RBFOX1: variants seen among roughly 807,000 people sequenced by gnomAD.
RBFOX1 encodes the protein RNA binding fox-1 homolog 1, also known as RNA binding protein fox-1 homolog 1.
A neutral mutation model predicts 57.7 loss-of-function variants in RBFOX1; 8 were observed. The observed-to-expected ratio is 0.14, with a 90% CI of 0.08 to 0.25. The LOEUF (loss-of-function observed/expected upper bound fraction) is 0.25, where lower values mean the gene tolerates loss of function less well. RBFOX1 is among the 10% of genes least tolerant of loss of function. RBFOX1 has a pLI of 1.00. For synonymous variants in RBFOX1, 326 were observed against 222.4 expected (o/e 1.47, Z -4.15); for missense variants, 611 against 548.5 (o/e 1.11, Z -1.14).
chr16:6,593,023 C>G (rs945582959), intron 2 of RBFOX1, among the ~76,000 whole-genome samples: 2 of 152,108 alleles, frequency 1.3e-5, no homozygotes, highest in East Asian at 1.9e-4. Flanking sequence ...TAAAACCTGT[C>G]TGTACTAAAA....
intron 9 of RBFOX1, among the ~76,000 whole-genome samples, chr16:7,602,376 G>A (rs2095073024): frequency 6.6e-6 from 1 of 152,172 alleles, no homozygotes; most frequent in Non-Finnish European, 1.5e-5. Context: ...TTGCCTTGTT[G>A]TGGGGCTGGG....
chr16:5,954,506 C>T (rs964704743), intron 4 of RBFOX1, among the ~76,000 whole-genome samples: 8 of 152,064 alleles, frequency 5.3e-5, no homozygotes, highest in Non-Finnish European at 8.8e-5. Context: ...GGTGCCCTTG[C>T]GTGGCATCTT....
intron 4 of RBFOX1, among the ~76,000 whole-genome samples, chr16:7,429,824 C>T (rs2098661085): frequency 6.6e-6 from 1 of 152,192 alleles, no homozygotes; most frequent in African/African-American, 2.4e-5. Context: ...CCTTTCCATT[C>T]TTCATTACTC....
chr16:6,703,480 G>A (rs2062177384), intron 3 of RBFOX1, among the ~76,000 whole-genome samples: 1 of 149,276 alleles, frequency 6.7e-6, no homozygotes, highest in Admixed American at 6.8e-5. Context: ...GGGAGGCTGA[G>A]ATGGGAGGAT....
chr16:6,118,460 G>C (rs539247904), intron 1 of RBFOX1, among the ~76,000 whole-genome samples: 1 of 152,182 alleles, frequency 6.6e-6, no homozygotes, highest in African/African-American at 2.4e-5. Context: ...ATGGCATCTT[G>C]TTGCCATGTC....
chr16:6,813,014 C>A (rs925952144), intron 3 of RBFOX1, among the ~76,000 whole-genome samples: 2 of 151,812 alleles, frequency 1.3e-5, no homozygotes, highest in African/African-American at 4.8e-5. Flanking sequence ...TTAAATAAAA[C>A]TTTATTTCAC....
At chr16:7,213,928 G>C (rs912969021) in intron 4 of RBFOX1, among the ~76,000 whole-genome samples, 1 of 129,928 alleles carries the variant, frequency 7.7e-6, no homozygotes, top group African/African-American at 3.1e-5. Flanking sequence ...ACTCTGAAGT[G>C]GTGGGTTGTT....
intron 3 of RBFOX1, among the ~76,000 whole-genome samples, chr16:5,736,648 G>T (rs994675775): frequency 6.6e-6 from 1 of 152,008 alleles, no homozygotes; most frequent in East Asian, 1.9e-4. Context: ...CAGTCTCTCT[G>T]TCACCTGGCA....
At chr16:5,507,795 A>G (rs2043429507) in intron 2 of RBFOX1, among the ~76,000 whole-genome samples, 1 of 152,172 alleles carries the variant, frequency 6.6e-6, no homozygotes, top group Admixed American at 6.5e-5. Flanking sequence ...CCACAAGCCA[A>G]TGAACCCCAA....
chr16:6,540,713 A>G (rs2096803689), intron 2 of RBFOX1, among the ~76,000 whole-genome samples: 1 of 151,878 alleles, frequency 6.6e-6, no homozygotes, highest in South Asian at 2.1e-4. Context: ...TTCTTATACA[A>G]TGCTTTAAAC....
chr16:7,575,124 T>C (rs1416329648), intron 5 of RBFOX1, among the ~76,000 whole-genome samples: 2 of 152,028 alleles, frequency 1.3e-5, no homozygotes, highest in African/African-American at 4.8e-5. Context: ...GGATTTAGGA[T>C]GGGCTCAACA....
intron 2 of RBFOX1, among the ~76,000 whole-genome samples, chr16:6,643,091 T>TC (rs141963872): frequency 0.012 from 1,889 of 152,302 alleles, 40 homozygotes; most frequent in African/African-American, 0.043. Context: ...AAATGTCTCC[T>TC]CAAATGATCA....
In RBFOX1 at chr16:5,334,225, G is replaced by T. The variant is rs139029730; in HGVS notation, c.219+94120G>T. Reference sequence around the variant, plus strand: ...CTGACATCTCTCCGGCCAGAGGAGAGGTTATCTCAGGGCTGGTATGTCTCT... The same window carrying T: ...CTGACATCTCTCCGGCCAGAGGAGATGTTATCTCAGGGCTGGTATGTCTCT... On this transcript the variant is annotated intron_variant, in intron 1 of 2. Transcript: ENST00000585867. Among the ~76,000 whole-genome samples, 1,119 of 152,282 alleles carry T rather than the reference G, an allele frequency of 7.3e-3. 13 individuals carry two copies. Among genetic ancestry groups the T allele is most frequent in the South Asian group, 0.012 (56 of 4,820 alleles).
intron 4 of RBFOX1, among the ~76,000 whole-genome samples, chr16:7,100,784 C>T (rs921773128): frequency 6.6e-6 from 1 of 152,112 alleles, no homozygotes; most frequent in Admixed American, 6.6e-5. Context: ...ACACTGTGTT[C>T]ACCCTCTCCA....
At chr16:7,410,628 G>C (rs2098414919) in intron 4 of RBFOX1, among the ~76,000 whole-genome samples, 1 of 152,172 alleles carries the variant, frequency 6.6e-6, no homozygotes, top group Admixed American at 6.5e-5. Context: ...AGTGAGCCAA[G>C]ATTGTGCCAT....
intron 2 of RBFOX1, among the ~76,000 whole-genome samples, chr16:5,488,645 GTGA>G (rs370184856): frequency 2.0e-4 from 26 of 127,412 alleles, no homozygotes; most frequent in African/African-American, 8.7e-4. Context: ...AGTGATGATG[GTGA>G]TGATGATTAT....
chr16:6,838,522 C>G (rs1380546839), intron 3 of RBFOX1, among the ~76,000 whole-genome samples: 1 of 152,182 alleles, frequency 6.6e-6, no homozygotes, highest in African/African-American at 2.4e-5. Flanking sequence ...ATAAATGCAA[C>G]TGCAAAACTG....
chr16:7,140,434 T>C (rs149558285), intron 4 of RBFOX1, among the ~76,000 whole-genome samples: 1 of 152,210 alleles, frequency 6.6e-6, no homozygotes, highest in Admixed American at 6.5e-5. Flanking sequence ...CTATATTGTC[T>C]AACTTCCCAA....
intron 3 of RBFOX1, among the ~76,000 whole-genome samples, chr16:6,714,107 C>T (rs1486355439): frequency 6.6e-6 from 1 of 152,126 alleles, no homozygotes; most frequent in Non-Finnish European, 1.5e-5. Flanking sequence ...TTCACAAGAT[C>T]TAATGGTTTT....
Sources: gnomAD v4.1 joint callset for allele counts (sites outside exome capture counted in the v4.1 genomes callset) on GRCh38, gnomAD v4.1.1 for gene constraint, MANE v1.5 for transcripts, NCBI Gene and HGNC (gene_info 2026-07-23, HGNC 2026-07-21) for gene names.